The following TBC1D7 variants were observed in gnomAD, a reference collection of about 807,000 sequenced individuals.
The protein encoded by TBC1D7 is TBC1 domain family member 7.
A neutral mutation model predicts 35.3 loss-of-function variants in TBC1D7; 33 were observed. The observed-to-expected ratio is 0.93, with a 90% CI of 0.71 to 1.25. TBC1D7 has a LOEUF of 1.25. Ranked by LOEUF, TBC1D7 falls within the 50% of genes most tolerant of loss-of-function variation. TBC1D7 has a pLI of 0.00. For missense variants in TBC1D7, 362 were observed against 365.3 expected, an observed-to-expected ratio of 0.99 and a Z score of 0.07; for synonymous variants, 135 against 129.5, an observed-to-expected ratio of 1.04 and a Z score of -0.29.
chr6:13,307,744 G>A lies in TBC1D7; in HGVS notation c.521C>T (p.Pro174Leu), dbSNP rs1391370223. Residue 174 changes from proline (P) to leucine (L), a missense_variant and splice_region_variant, in exon 6 of 8, where the codon CCA (proline) becomes CTA (leucine). By Grantham distance (98) the Pro-to-Leu change is moderately conservative. Transcript: ENST00000379300. ...ATTCAAGTATTGTTCAAACGCTTTT[G>A]GCTAAAGATTAAGCAAGAACAGAGA... ...TKYRDSLPQL[P>L]KAFEQYLNLE... is the part of the protein sequence containing the mutation. 6.2e-7 allele frequency: 1 copy of A among 1,612,810 alleles called. No individual in the cohort carries two copies. The highest frequency in any genetic ancestry group is 8.5e-7 in the Non-Finnish European group (1 of 1,179,176).
intron 3 of TBC1D7, 21 bp from the exon 4 acceptor site, chr6:13,321,116 G>GA (rs1215263394): frequency 1.3e-6 from 2 of 1,582,414 alleles, no homozygotes; most frequent in South Asian, 1.2e-5. Context: ...CAGGAAAAAC[G>GA]AAAAAAGGAC....
intron 4 of TBC1D7, chr6:13,319,486 A>G (rs1205407794): frequency 4.6e-5 from 7 of 151,770 alleles, no homozygotes; most frequent in Admixed American, 2.0e-4. Context: ...AAAAAAAAAA[A>G]AAGAACTCTT....
At chr6:13,310,574 G>A (rs1345584701) in intron 5 of TBC1D7, among the ~76,000 whole-genome samples, 2 of 149,562 alleles carry the variant, frequency 1.3e-5, no homozygotes, top group Non-Finnish European at 3.0e-5. Flanking sequence ...GGAGGCAGAG[G>A]TTGCAGTGAG....
At chr6:13,325,387 G>A (rs1784337600) in intron 2 of TBC1D7, among the ~76,000 whole-genome samples, 2 of 151,674 alleles carry the variant, frequency 1.3e-5, no homozygotes, top group Non-Finnish European at 2.9e-5. Context: ...TTGCGGCCAG[G>A]CACGGTGGCT....
At chr6:13,323,364 TAAAA>T (rs200001650) in intron 3 of TBC1D7, among the ~76,000 whole-genome samples, 1 of 149,450 alleles carries the variant, frequency 6.7e-6, no homozygotes, top group Non-Finnish European at 1.5e-5. Context: ...ATAAAAAAAT[TAAAA>T]AAAAAGAAAG....
Position 13,326,754 on chromosome 6 carries a change from G to A in TBC1D7, c.112+33C>T, listed in dbSNP as rs555902920. ...ACTTCAGAACATGTGGAGTGATTGA[G>A]AACCAATGAGATTAATTTTTAAAAG... On this transcript the variant is annotated intron_variant, in intron 2 of 7. Coordinates refer to ENST00000379300, the MANE Select transcript of TBC1D7 (RefSeq NM_016495.6). The A allele has an allele frequency of 2.9e-6, 4 of 1,377,880 alleles. No homozygotes were observed. The South Asian group carries it at 4.7e-5, about 16-fold the overall frequency. 85.4% of individuals were successfully genotyped at this position (1,377,880 alleles called of 1,614,324 possible).
At chr6:13,316,476 G>T in intron 5 of TBC1D7, 95 bp downstream of exon 5, 1 of 1,320,358 alleles carries the variant, frequency 7.6e-7, no homozygotes, top group Non-Finnish European at 1.0e-6. Flanking sequence ...GGGTTATTCA[G>T]AATTGCAGCA....
At chr6:13,314,210 A>G (rs1462903146) in intron 5 of TBC1D7, among the ~76,000 whole-genome samples, 1 of 152,130 alleles carries the variant, frequency 6.6e-6, no homozygotes, top group African/African-American at 2.4e-5. Flanking sequence ...ATCTCAAAAA[A>G]AAAAAAAAAG....
At chr6:13,323,081 G>A (rs1323284331) in intron 3 of TBC1D7, among the ~76,000 whole-genome samples, 17 of 152,136 alleles carry the variant, frequency 1.1e-4, no homozygotes, top group Non-Finnish European at 8.8e-5. Context: ...GGCCGAGCGC[G>A]GTGTCTCATG....
Position 13,328,523 on chromosome 6 carries a change from C to CGCTGCCGCTGCCGCTGCCGCTGCCGCT in TBC1D7, c.-237_-236insAGCGGCAGCGGCAGCGGCAGCGGCAGC, listed in dbSNP as rs1356378393. On this transcript the variant is annotated 5_prime_UTR_variant, in exon 1 of 8. Transcript: ENST00000379300. ...TCAGCGCCGCTGCCGCTGCCGCTGC[C>CGCTGCCGCTGCCGCTGCCGCTGCCGCT]GCCGCCGCCGGACGTGACATCAACT... 7.0e-5 allele frequency: 11 copies of CGCTGCCGCTGCCGCTGCCGCTGCCGCT among 157,932 alleles called. No individual in the cohort carries two copies. The highest frequency in any genetic ancestry group is 1.4e-4 in the South Asian group (1 of 6,990). 9.8% of individuals were successfully genotyped at this position (157,932 alleles called of 1,614,324 possible). A position where few individuals can be genotyped will look rare whatever the true frequency, so the allele number is the denominator to read the frequency against.
At chr6:13,327,540 T>C (rs1784479467) in intron 1 of TBC1D7, 1 of 152,214 alleles carries the variant, frequency 6.6e-6, no homozygotes, top group African/African-American at 2.4e-5. Context: ...CACAATTCTA[T>C]TAAGTGTAGC....
intron 7 of TBC1D7, 144 bp downstream of exon 7, chr6:13,306,254 A>G (rs1782798246): frequency 5.1e-6 from 3 of 591,680 alleles, no homozygotes; most frequent in Non-Finnish European, 8.1e-6. Context: ...AATCATTATT[A>G]TAATTATTCT....
At chr6:13,305,240 G>A (rs2127519050) in intron 7 of TBC1D7, 53 bp from the exon 8 acceptor site, 3 of 1,527,490 alleles carry the variant, frequency 2.0e-6, no homozygotes, top group Non-Finnish European at 1.8e-6. Flanking sequence ...CAACTTCAGT[G>A]TCTTCCCTCA....
rs777649015 is a variant in TBC1D7 at position 13,321,115 on chromosome 6, C to T, written c.194-20G>A. 32 of 1,583,216 alleles carry T rather than the reference C, an allele frequency of 2.0e-5. No homozygotes were observed. Among genetic ancestry groups the T allele is most frequent in the Middle Eastern group, 3.4e-4 (2 of 5,866 alleles). ...AGATTCCTAGAGAGAACAGGAAAAACGAAAAAAGGACAAAATACTGAGCCA... is the reference window on the plus strand; with the variant it reads ...AGATTCCTAGAGAGAACAGGAAAAATGAAAAAAGGACAAAATACTGAGCCA... On this transcript the variant is annotated intron_variant, in intron 3 of 7. Coordinates refer to ENST00000379300, the MANE Select transcript of TBC1D7 (RefSeq NM_016495.6).
Position 13,305,078 on chromosome 6 carries a change from C to T in TBC1D7, c.*23G>A, listed in dbSNP as rs200343679. 3.2e-5 allele frequency: 50 copies of T among 1,574,306 alleles called. No homozygotes were observed. Among genetic ancestry groups the T allele is most frequent in the Admixed American group, 2.5e-4 (14 of 55,564 alleles). ...AATGCTCACTGTGGTGCCTGGCAGA[C>T]GGTCCACAACCAGCGGGTGCGTTCA... On this transcript the variant is annotated 3_prime_UTR_variant, in exon 8 of 8. Transcript: ENST00000379300.
At chr6:13,311,562 T>C (rs2496142) in intron 5 of TBC1D7, among the ~76,000 whole-genome samples, 43,823 of 152,106 alleles carry the variant, frequency 0.29, 6,524 homozygotes, top group South Asian at 0.46. Flanking sequence ...GATGCCGAAA[T>C]CAAACAGCAA....
intron 3 of TBC1D7, among the ~76,000 whole-genome samples, chr6:13,324,479 T>C (rs1208697083): frequency 6.6e-6 from 1 of 152,178 alleles, no homozygotes; most frequent in Non-Finnish European, 1.5e-5. Flanking sequence ...ATAGGAATTA[T>C]ATGCTCCAGC....
intron 3 of TBC1D7, among the ~76,000 whole-genome samples, chr6:13,321,806 G>C (rs1326566298): frequency 6.6e-6 from 1 of 152,118 alleles, no homozygotes; most frequent in African/African-American, 2.4e-5. Flanking sequence ...ACCTGCCAGA[G>C]GCAGGAAATG....
intron 2 of TBC1D7, among the ~76,000 whole-genome samples, chr6:13,326,372 A>T (rs1784405549): frequency 6.6e-6 from 1 of 152,004 alleles, no homozygotes; most frequent in African/African-American, 2.4e-5. Context: ...CTGAGGCAGG[A>T]GAATCACTTG....
Sources: gnomAD v4.1 joint callset for allele counts (sites outside exome capture counted in the v4.1 genomes callset) on GRCh38, gnomAD v4.1.1 for gene constraint, MANE v1.5 for transcripts, NCBI Gene and HGNC (gene_info 2026-07-23, HGNC 2026-07-21) for gene names.